The following SAMMSON variants were observed in gnomAD, a reference collection of about 807,000 sequenced individuals.
The protein encoded by SAMMSON is long intergenic non-protein coding RNA 1212.
chr3:70,286,229 T>A (rs1575615770), intron 6 of SAMMSON, among the ~76,000 whole-genome samples: 1 of 152,328 alleles, frequency 6.6e-6, no homozygotes, highest in Admixed American at 6.5e-5. Context: ...TTGAATTAAT[T>A]TTTGTATAAG....
At chr3:70,015,845 A>G (rs1218454535) in intron 3 of SAMMSON, among the ~76,000 whole-genome samples, 1 of 152,112 alleles carries the variant, frequency 6.6e-6, no homozygotes, top group Non-Finnish European at 1.5e-5. Context: ...TAGTTTGCTG[A>G]GAATGATGGT....
At position 70,291,617 on chromosome 3, in the gene SAMMSON, C is replaced by G. The variant is rs979479525; in HGVS notation, n.739+374C>G. Among the ~76,000 whole-genome samples, 3 of 152,256 alleles carry G rather than the reference C, an allele frequency of 2.0e-5. No individual in the cohort carries two copies. The East Asian group carries it at 5.8e-4, about 29-fold the overall frequency. ...CTGGGAACATCGGATCCACAAATGA[C>G]AAACCCCTGGCTGTCACTTTCCCCT... On this transcript the variant is annotated intron_variant and non_coding_transcript_variant, in intron 7 of 9. Coordinates refer to ENST00000642114, the Ensembl canonical transcript of SAMMSON.
chr3:70,249,971 G>A (rs1701745196), intron 6 of SAMMSON, among the ~76,000 whole-genome samples: 2 of 152,150 alleles, frequency 1.3e-5, no homozygotes. Flanking sequence ...AGATCCACTA[G>A]CCTAGCTGGT....
rs540219486 is a variant in SAMMSON, at chr3:70,116,453, C to T, written n.507+44888C>T. On this transcript the variant is annotated intron_variant and non_coding_transcript_variant, in intron 4 of 9. Transcript: ENST00000642114. The stretch of plus-strand genomic sequence containing the variant: ...TTTATTTACATGAAAGGCAAGATTC[C>T]GCAATGCAAAGGCAACACGAGAGAC... Among the ~76,000 whole-genome samples the T allele has an allele frequency of 4.0e-5, 6 of 151,602 alleles. No homozygotes were observed. In the South Asian group the frequency reaches 1.2e-3, roughly 32 times the overall value.
At chr3:70,276,373 A>G (rs1251417686) in intron 6 of SAMMSON, among the ~76,000 whole-genome samples, 2 of 152,220 alleles carry the variant, frequency 1.3e-5, no homozygotes, top group Non-Finnish European at 2.9e-5. Context: ...CTGGAAATGT[A>G]TGTTAATTCT....
intron 6 of SAMMSON, among the ~76,000 whole-genome samples, chr3:70,271,029 A>T (rs769607896): frequency 6.6e-5 from 10 of 152,200 alleles, no homozygotes; most frequent in Non-Finnish European, 1.0e-4. Flanking sequence ...AACTTCAAGT[A>T]TAATAATAAA....
At position 70,376,748 on chromosome 3, in the gene SAMMSON, G is replaced by T. The variant is rs186032494; in HGVS notation, n.914-12826G>T. Among the ~76,000 whole-genome samples, 128 of 152,076 alleles carry T rather than the reference G, an allele frequency of 8.4e-4. 2 individuals carry two copies. Among genetic ancestry groups the T allele is most frequent in the African/African-American group, 3.0e-3 (126 of 41,514 alleles). ...TGAAAGGTATAGAAAATTATAGATG[G>T]CAAATAAAGACCACCTACAAATTTA... On this transcript the variant is annotated intron_variant and non_coding_transcript_variant, in intron 9 of 9. Transcript: ENST00000642114.
intron 3 of SAMMSON, among the ~76,000 whole-genome samples, chr3:70,039,593 TCACACACA>T (rs56058406): frequency 0.21 from 28,022 of 135,516 alleles, 3,050 homozygotes; most frequent in Admixed American, 0.26. Context: ...ACACATCTCT[TCACACACA>T]CACACACACA....
chr3:70,375,615 A>T (rs1019077437), intron 9 of SAMMSON, among the ~76,000 whole-genome samples: 1 of 152,150 alleles, frequency 6.6e-6, no homozygotes, highest in Non-Finnish European at 1.5e-5. Flanking sequence ...CAAATATGTC[A>T]TTCCTACAAA....
chr3:70,378,170 T>C (rs1161200995), intron 9 of SAMMSON, among the ~76,000 whole-genome samples: 1 of 151,384 alleles, frequency 6.6e-6, no homozygotes, highest in Non-Finnish European at 1.5e-5. Flanking sequence ...TAAGTGTTTA[T>C]TTTAACATAG....
chr3:70,229,127 A>T (rs62254855), intron 4 of SAMMSON, among the ~76,000 whole-genome samples: 27,882 of 152,164 alleles, frequency 0.18, 2,863 homozygotes, highest in Non-Finnish European at 0.24. Context: ...CCTCTCTTTT[A>T]TCAAAAGCAT....
chr3:70,240,991 C>T (rs1701662399), intron 4 of SAMMSON, among the ~76,000 whole-genome samples: 1 of 152,120 alleles, frequency 6.6e-6, no homozygotes, highest in African/African-American at 2.4e-5. Context: ...CTTTCACAGT[C>T]AAGGATATTC....
chr3:70,182,726 G>A (rs1316104712), intron 4 of SAMMSON, among the ~76,000 whole-genome samples: 1 of 152,168 alleles, frequency 6.6e-6, no homozygotes, highest in African/African-American at 2.4e-5. Flanking sequence ...TGGCAGAACC[G>A]TTCTTAGTGA....
chr3:70,105,269 A>G (rs939668055), intron 4 of SAMMSON, among the ~76,000 whole-genome samples: 33 of 152,360 alleles, frequency 2.2e-4, no homozygotes, highest in African/African-American at 7.5e-4. Context: ...GACGTAAAAT[A>G]GCAATTATTT....
chr3:70,072,646 G>GAAAAAAAAAAAA (rs35807309), intron 4 of SAMMSON: 1 of 87,690 alleles, frequency 1.1e-5, no homozygotes, highest in African/African-American at 4.3e-5. Flanking sequence ...AACAGCAAAG[G>GAAAAAAAAAAAA]AAAAAAAAAA....
intron 4 of SAMMSON, among the ~76,000 whole-genome samples, chr3:70,199,353 T>C (rs7616256): frequency 6.6e-6 from 1 of 151,812 alleles, no homozygotes; most frequent in African/African-American, 2.4e-5. Context: ...CCTCTTCTAA[T>C]GTATACTGTA....
At chr3:70,054,846 T>G (rs2067161431) in intron 3 of SAMMSON, among the ~76,000 whole-genome samples, 1 of 152,090 alleles carries the variant, frequency 6.6e-6, no homozygotes, top group African/African-American at 2.4e-5. Context: ...TTTAGAAATG[T>G]GTACCTAGAC....
At chr3:70,348,672 ATT>A (rs1394801399) in intron 7 of SAMMSON, among the ~76,000 whole-genome samples, 1 of 152,130 alleles carries the variant, frequency 6.6e-6, no homozygotes, top group Admixed American at 6.5e-5. Flanking sequence ...TCAGGTTCCA[ATT>A]CCAGGGGTAT....
rs180929082 is a variant in SAMMSON at position 70,194,437 on chromosome 3, G to A, written n.508-54670G>A. ...TCTGCAATTGTATTTCCCCAGCTGC[G>A]TATGTTTTATTGTGTAAGAATTCAA... On this transcript the variant is annotated intron_variant and non_coding_transcript_variant, in intron 4 of 9. Transcript: ENST00000642114. 1.1e-3 allele frequency among the ~76,000 whole-genome samples: 170 copies of A among 152,168 alleles called. 2 individuals carry two copies. Among genetic ancestry groups the A allele is most frequent in the Non-Finnish European group, 7.1e-4 (48 of 68,010 alleles).
Sources: gnomAD v4.1 joint callset for allele counts (sites outside exome capture counted in the v4.1 genomes callset) on GRCh38, gnomAD v4.1.1 for gene constraint, MANE v1.5 for transcripts, NCBI Gene and HGNC (gene_info 2026-07-23, HGNC 2026-07-21) for gene names.